MRTFA: variants seen among roughly 807,000 people sequenced by gnomAD.
MRTFA encodes the protein myocardin-related transcription factor A.
MRTFA carries 20 observed loss-of-function variants against 83.5 expected under a neutral mutation model. That is an observed-to-expected ratio of 0.24 (90% CI 0.17 to 0.35). The LOEUF (loss-of-function observed/expected upper bound fraction) is 0.35. Ranked by LOEUF, MRTFA falls within the 10% of genes least tolerant of loss-of-function variation. MRTFA has a pLI of 1.00. For missense variants in MRTFA, 1,200 were observed against 1,224.7 expected (o/e 0.98, Z 0.30); for synonymous variants, 659 against 541.2 (o/e 1.22, Z -3.02).
At chr22:40,424,138 A>C in intron 8 of MRTFA, 68 bp downstream of exon 8, 1 of 1,461,286 alleles carries the variant, frequency 6.8e-7, no homozygotes, top group Non-Finnish European at 9.1e-7. Flanking sequence ...GTGGCCCAGG[A>C]GAGAGACCTT....
intron 6 of MRTFA, 104 bp from the exon 7 acceptor site, chr22:40,429,871 CTG>C (rs2053032892): frequency 1.7e-5 from 21 of 1,203,810 alleles, no homozygotes; most frequent in Non-Finnish European, 2.4e-5. Flanking sequence ...AGAGGAGTGA[CTG>C]TCAGAACGGT....
intron 1 of MRTFA, among the ~76,000 whole-genome samples, chr22:40,596,499 C>G (rs2056193936): frequency 6.6e-6 from 1 of 151,980 alleles, no homozygotes; most frequent in Non-Finnish European, 1.5e-5. Flanking sequence ...GGCCCCATCT[C>G]TACTAAAAAT....
intron 1 of MRTFA, among the ~76,000 whole-genome samples, chr22:40,606,731 T>C (rs560913598): frequency 1.3e-5 from 2 of 152,340 alleles, no homozygotes; most frequent in South Asian, 4.1e-4. Context: ...AGGATTCCTC[T>C]TTGGAGACAT....
At chr22:40,477,759 G>T (rs2054022231) in intron 3 of MRTFA, among the ~76,000 whole-genome samples, 1 of 152,098 alleles carries the variant, frequency 6.6e-6, no homozygotes, top group Middle Eastern at 3.4e-3. Context: ...TGTTCTTGGT[G>T]GGGGTTGGGG....
intron 3 of MRTFA, among the ~76,000 whole-genome samples, chr22:40,487,494 C>T (rs2054192312): frequency 6.6e-6 from 1 of 152,108 alleles, no homozygotes; most frequent in Non-Finnish European, 1.5e-5. Flanking sequence ...AAACCAAGAA[C>T]TTTGGGTTCT....
chr22:40,631,119 A>G (rs1027315701), intron 1 of MRTFA, among the ~76,000 whole-genome samples: 1 of 152,226 alleles, frequency 6.6e-6, no homozygotes, highest in African/African-American at 2.4e-5. Context: ...TCACCTAAAT[A>G]AAGCCACTGG....
At chr22:40,476,431 A>G (rs1054599259) in intron 3 of MRTFA, among the ~76,000 whole-genome samples, 1 of 152,042 alleles carries the variant, frequency 6.6e-6, no homozygotes, top group African/African-American at 2.4e-5. Flanking sequence ...TGCTTCTTAC[A>G]TATAATGTTA....
Position 40,416,850 on chromosome 22 carries a change from G to T in MRTFA, c.2578+136C>A, listed in dbSNP as rs2052690479. On this transcript the variant is annotated intron_variant, in intron 14 of 14. Coordinates refer to ENST00000355630, the MANE Select transcript of MRTFA (RefSeq NM_020831.6). This position sits in a 1 kb window ranked among gnomAD's most constrained non-coding sequence, Gnocchi z 4.2. The stretch of plus-strand genomic sequence containing the variant: ...GGCCTTGGAGACGGGAGGGCTCACA[G>T]CCACCACTGCATCCACAGTGCTTGC... 2.5e-6 allele frequency: 2 copies of T among 814,486 alleles called. No homozygotes were observed. The allele number at this position is 814,486 out of a possible 1,614,324, so 50.5% of individuals were successfully genotyped here.
In MRTFA at chr22:40,624,377, G is replaced by A. The variant is rs1449800442; in HGVS notation, c.-84+12101C>T. On this transcript the variant is annotated intron_variant, in intron 1 of 14. Coordinates refer to ENST00000355630, the MANE Select transcript of MRTFA (RefSeq NM_020831.6). ...GGAGGCAGAGGTTGCAGGGAGCCGA[G>A]ATCGCGCCACTGCACTCCAGCCTGG... 1.9e-4 allele frequency among the ~76,000 whole-genome samples: 27 copies of A among 140,848 alleles called. No homozygotes were observed. In the Admixed American group the frequency reaches 2.1e-3, roughly 11 times the overall value. 92.4% of individuals were successfully genotyped at this position (140,848 alleles called of 152,430 possible). A position where few individuals can be genotyped will look rare whatever the true frequency, so the allele number is the denominator to read the frequency against.
intron 3 of MRTFA, among the ~76,000 whole-genome samples, chr22:40,489,162 G>A (rs2054225177): frequency 6.6e-6 from 1 of 151,982 alleles, no homozygotes; most frequent in South Asian, 2.1e-4. Flanking sequence ...ATTTTCACTG[G>A]GTATCTTTGA....
At chr22:40,478,403 G>A (rs569539157) in intron 3 of MRTFA, among the ~76,000 whole-genome samples, 1 of 152,152 alleles carries the variant, frequency 6.6e-6, no homozygotes. Flanking sequence ...CTGGATCAAG[G>A]ATACACAGGA....
intron 2 of MRTFA, among the ~76,000 whole-genome samples, chr22:40,557,775 T>A (rs56673198): frequency 1.0e-3 from 158 of 152,124 alleles, no homozygotes; most frequent in Middle Eastern, 6.8e-3. Flanking sequence ...AAAAAAAAAA[T>A]TTCACTAAGT....
At position 40,600,389 on chromosome 22, in the gene MRTFA, C is replaced by A. The variant is rs530460110; in HGVS notation, c.-83-5654G>T. The stretch of plus-strand genomic sequence containing the variant: ...CAATACACTCTGCTGCCTTTCATAT[C>A]CACCACAAATCTTTCCTTTCCGATT... On this transcript the variant is annotated intron_variant, in intron 1 of 14. Transcript: ENST00000355630. 3.9e-5 allele frequency among the ~76,000 whole-genome samples: 6 copies of A among 152,256 alleles called. No individual in the cohort carries two copies. In the East Asian group the frequency reaches 1.2e-3, roughly 29 times the overall value.
intron 2 of MRTFA, among the ~76,000 whole-genome samples, chr22:40,566,476 T>A (rs972112308): frequency 5.3e-5 from 8 of 151,988 alleles, no homozygotes; most frequent in Admixed American, 5.2e-4. Context: ...CGCCTCAGCC[T>A]CCCAAAGTGC....
intron 4 of MRTFA, among the ~76,000 whole-genome samples, chr22:40,454,946 A>G (rs1220409134): frequency 1.3e-5 from 2 of 152,174 alleles, no homozygotes; most frequent in Non-Finnish European, 2.9e-5. Flanking sequence ...GGCCACAAGC[A>G]TGTGATATCA....
At chr22:40,507,859 A>G (rs1358752044) in intron 3 of MRTFA, among the ~76,000 whole-genome samples, 1 of 150,512 alleles carries the variant, frequency 6.6e-6, no homozygotes, top group Non-Finnish European at 1.5e-5. Context: ...GCTACCAGGA[A>G]GGCTGAGGAA....
intron 2 of MRTFA, among the ~76,000 whole-genome samples, chr22:40,584,619 C>T (rs143823741): frequency 3.8e-4 from 57 of 151,850 alleles, no homozygotes; most frequent in Middle Eastern, 3.4e-3. Flanking sequence ...GCCTGTAATC[C>T]CAGCTACTCG....
At chr22:40,487,685 T>C (rs367798545) in intron 3 of MRTFA, among the ~76,000 whole-genome samples, 1 of 152,206 alleles carries the variant, frequency 6.6e-6, no homozygotes, top group Non-Finnish European at 1.5e-5. Flanking sequence ...AAGATATTTA[T>C]AGAAAAAGGT....
intron 3 of MRTFA, among the ~76,000 whole-genome samples, chr22:40,548,358 CAAAAAAAAAAA>C (rs10664022): frequency 1.5e-5 from 1 of 66,150 alleles, no homozygotes; most frequent in African/African-American, 6.8e-5. Context: ...GACTCCGTCT[CAAAAAAAAAAA>C]AAAAAAAAAA....
Sources: allele counts gnomAD v4.1 joint callset (sites outside exome capture counted in the v4.1 genomes callset), GRCh38; gene constraint gnomAD v4.1.1; non-coding constraint Gnocchi (gnomAD v3.1); transcripts MANE v1.5; gene names NCBI Gene and HGNC (gene_info 2026-07-23, HGNC 2026-07-21).